Variants in HEATR5A observed in about 807,000 individuals in gnomAD.
HEATR5A encodes the protein HEAT repeat containing 5A, also known as HEAT repeat-containing protein 5A.
HEATR5A carries 178 observed loss-of-function variants against 218.8 expected under a neutral mutation model. That is an observed-to-expected ratio of 0.81 (90% CI 0.72 to 0.92). The LOEUF (loss-of-function observed/expected upper bound fraction) is 0.92, where lower values mean the gene tolerates loss of function less well. HEATR5A is among the 40% of genes least tolerant of loss of function. The pLI, the probability that HEATR5A is intolerant of heterozygous loss-of-function variation, is 0.00. For missense variants in HEATR5A, 2,420 were observed against 2,418.9 expected, an observed-to-expected ratio of 1.00 and a Z score of -0.01; for synonymous variants, 864 against 871.6, an observed-to-expected ratio of 0.99 and a Z score of 0.15.
chr14:31,417,232 A>G (rs1225995436), intron 1 of HEATR5A, among the ~76,000 whole-genome samples: 3 of 152,054 alleles, frequency 2.0e-5, no homozygotes, highest in African/African-American at 7.2e-5. Context: ...TGCTAGAGAA[A>G]ATATAAAAAC....
chr14:31,314,543 TA>T (rs1439869107), intron 27 of HEATR5A, among the ~76,000 whole-genome samples: 1 of 152,056 alleles, frequency 6.6e-6, no homozygotes. Flanking sequence ...AGGTGTGAGC[TA>T]CCGTGCCGGC....
chr14:31,322,875 G>C (rs1311734842), intron 24 of HEATR5A, among the ~76,000 whole-genome samples: 1 of 147,252 alleles, frequency 6.8e-6, no homozygotes, highest in Non-Finnish European at 1.5e-5. Context: ...ATGAGCTTAA[G>C]TGAATTTAAA....
Position 31,387,148 on chromosome 14 carries a change from C to T in HEATR5A, c.1161G>A (p.Gln387=). ...AQLAAVKDIC[Q]AIWKLKKVMD... ...TAACTTTCTTTAGCTTCCAGATGGC[C>T]TGGCAAATATCCTTTACAGCAGCAA... The change falls in exon 8 of 36, where the codon CAG becomes CAA. Residue 387 remains glutamine (Q), a synonymous_variant. Coordinates refer to ENST00000543095, the MANE Select transcript of HEATR5A (RefSeq NM_015473.4). 1 of 1,614,018 alleles carries T rather than the reference C, an allele frequency of 6.2e-7. No individual in the cohort carries two copies. The highest frequency in any genetic ancestry group is 8.5e-7 in the Non-Finnish European group (1 of 1,179,906).
At chr14:31,334,150 GA>G (rs35291926) in intron 22 of HEATR5A, among the ~76,000 whole-genome samples, 121,591 of 149,690 alleles carry the variant, frequency 0.81, 51,104 homozygotes, top group Non-Finnish European at 0.93. Context: ...TTACTGCTCA[GA>G]AAAAAAAAAA....
chr14:31,383,793 G>T, intron 9 of HEATR5A, 22 bp from the exon 10 acceptor site: 2 of 1,602,330 alleles, frequency 1.2e-6, no homozygotes, highest in South Asian at 2.2e-5. Flanking sequence ...AACAAATGAT[G>T]ACTTAGGTAC....
intron 11 of HEATR5A, among the ~76,000 whole-genome samples, chr14:31,377,868 A>C (rs912196815): frequency 6.6e-6 from 1 of 152,180 alleles, no homozygotes; most frequent in African/African-American, 2.4e-5. Context: ...AAGAAAACAA[A>C]GTAATTAAAC....
chr14:31,305,191 T>C lies in HEATR5A; in HGVS notation c.4967-14A>G. On this transcript the variant is annotated splice_polypyrimidine_tract_variant and intron_variant, in intron 31 of 35. Transcript: ENST00000543095. The stretch of plus-strand genomic sequence containing the variant: ...CCCCATCATCAACTAAAAGAAAGAA[T>C]AGTGTTTAATACTTTGTGCTTGCTC... 1.2e-6 allele frequency: 2 copies of C among 1,610,056 alleles called. No homozygotes were observed. The highest frequency in any genetic ancestry group is 8.5e-7 in the Non-Finnish European group (1 of 1,179,196).
Position 31,364,266 on chromosome 14 carries a change from G to A in HEATR5A, c.1994C>T (p.Pro665Leu). 6.5e-7 allele frequency: 1 copy of A among 1,546,122 alleles called. No individual in the cohort carries two copies. The highest frequency in any genetic ancestry group is 8.8e-7 in the Non-Finnish European group (1 of 1,141,122). The change falls in exon 14 of 36, where the codon CCT becomes CTT. Residue 665 changes from proline (P) to leucine (L), a missense_variant. By Grantham distance (98) the Pro-to-Leu change is moderately conservative. Coordinates refer to ENST00000543095, the MANE Select transcript of HEATR5A (RefSeq NM_015473.4). ...ATAAACCACTGACGGTGTTTTCAAA[G>A]GACTTCCATACATTTTTAGTATTGA... ...LSSILKMYGS[P>L]LKTPSVVYRQ...
At chr14:31,340,504 C>T in intron 21 of HEATR5A, 6 of 1,277,254 alleles carry the variant, frequency 4.7e-6, no homozygotes, top group Non-Finnish European at 6.1e-6. Flanking sequence ...ACACACCAGT[C>T]ATGACAAAAC....
chr14:31,327,775 A>T (rs867721622), intron 22 of HEATR5A, among the ~76,000 whole-genome samples: 7 of 152,190 alleles, frequency 4.6e-5, no homozygotes, highest in Non-Finnish European at 1.0e-4. Context: ...TCACTATACA[A>T]TATTCTCACT....
At chr14:31,316,790 G>A (rs1273213312) in intron 26 of HEATR5A, among the ~76,000 whole-genome samples, 3 of 152,060 alleles carry the variant, frequency 2.0e-5, no homozygotes, top group Admixed American at 2.0e-4. Flanking sequence ...CTCCACAGGG[G>A]GATCCTCCCA....
intron 28 of HEATR5A, among the ~76,000 whole-genome samples, chr14:31,309,474 CTGTGT>C (rs1047418049): frequency 6.6e-6 from 1 of 152,074 alleles, no homozygotes; most frequent in Non-Finnish European, 1.5e-5. Flanking sequence ...ATTCATGCTG[CTGTGT>C]TATCAGTATT....
At chr14:31,389,761 C>G (rs2030374363) in intron 6 of HEATR5A, among the ~76,000 whole-genome samples, 1 of 152,230 alleles carries the variant, frequency 6.6e-6, no homozygotes, top group East Asian at 1.9e-4. Flanking sequence ...ACAAAAAAAC[C>G]TCCTCCCTAG....
rs1408210857 is a variant in HEATR5A, at chr14:31,350,740, T to A, written c.2412-23A>T. 8 of 1,297,716 alleles carry A rather than the reference T, an allele frequency of 6.2e-6. No homozygotes were observed. In the African/African-American group the frequency reaches 8.9e-5, roughly 14 times the overall value. The allele number at this position is 1,297,716 out of a possible 1,614,324, so 80.4% of individuals were successfully genotyped here. ...AGCCTACAATCAGAAATAACAGGAT[T>A]TAAAAGCAAGTAGGTAAGTTTTTGT... is the stretch of plus-strand genomic sequence containing the variant. On this transcript the variant is annotated intron_variant, in intron 16 of 35. Transcript: ENST00000543095.
At chr14:31,333,309 C>T (rs376521853) in intron 22 of HEATR5A, among the ~76,000 whole-genome samples, 12 of 152,120 alleles carry the variant, frequency 7.9e-5, no homozygotes, top group African/African-American at 2.2e-4. Flanking sequence ...AGTACAGTGG[C>T]GTGATCTTGG....
intron 13 of HEATR5A, among the ~76,000 whole-genome samples, chr14:31,369,756 C>T (rs1901960596): frequency 6.6e-6 from 1 of 150,924 alleles, no homozygotes; most frequent in South Asian, 2.1e-4. Flanking sequence ...GGTGAAACTC[C>T]ATCTCTATTA....
Position 31,383,423 on chromosome 14 carries a change from C to G in HEATR5A, c.1596+98G>C, listed in dbSNP as rs557755455. On this transcript the variant is annotated intron_variant, in intron 10 of 35. Transcript: ENST00000543095. Reference sequence around the variant, plus strand: ...TACTTATATGGCAGGGCTAGATGTACAGCAAAATAAAGCATTCAGTAACAA... The same window carrying G: ...TACTTATATGGCAGGGCTAGATGTAGAGCAAAATAAAGCATTCAGTAACAA... 343 of 1,195,878 alleles carry G rather than the reference C, an allele frequency of 2.9e-4. 3 individuals carry two copies. The South Asian group carries it at 3.6e-3, about 13-fold the overall frequency. 74.1% of individuals were successfully genotyped at this position (1,195,878 alleles called of 1,614,324 possible).
intron 13 of HEATR5A, among the ~76,000 whole-genome samples, chr14:31,365,686 A>G (rs1266167532): frequency 1.3e-5 from 2 of 148,344 alleles, no homozygotes; most frequent in African/African-American, 2.5e-5. Context: ...TGTTGTCGAG[A>G]CAGGGTCTTG....
At chr14:31,371,944 T>C (rs1334178945) in intron 12 of HEATR5A, 35 bp from the exon 13 acceptor site, 1 of 1,050,042 alleles carries the variant, frequency 9.5e-7, no homozygotes, top group Non-Finnish European at 1.4e-6. Context: ...TTGGGCATAC[T>C]GTAATCAACC....
Sources: allele counts gnomAD v4.1 joint callset (sites outside exome capture counted in the v4.1 genomes callset), GRCh38; gene constraint gnomAD v4.1.1; transcripts MANE v1.5; gene names NCBI Gene and HGNC (gene_info 2026-07-23, HGNC 2026-07-21).